Variants in GLIPR1L2 observed in about 807,000 individuals in gnomAD.
The protein encoded by GLIPR1L2 is GLIPR1-like protein 2.
Under a neutral mutation model 28.4 loss-of-function variants are expected in GLIPR1L2, and 21 were observed. The observed-to-expected ratio is 0.74, with a 90% CI of 0.52 to 1.06. The LOEUF is 1.06. GLIPR1L2 is among the 50% of genes least tolerant of loss of function. The probability of loss-of-function intolerance (pLI) is 0.00; values close to 1 mark genes in which losing one functional copy is unlikely to be tolerated. For missense variants in GLIPR1L2, 476 were observed against 416.9 expected, an observed-to-expected ratio of 1.14 and a Z score of -1.23; for synonymous variants, 145 against 139.3, an observed-to-expected ratio of 1.04 and a Z score of -0.29.
chr12:75,399,601 CT>C (rs1433063577), intron 1 of GLIPR1L2, among the ~76,000 whole-genome samples: 3 of 151,906 alleles, frequency 2.0e-5, no homozygotes, highest in African/African-American at 4.8e-5. Context: ...GTTTTTTTGC[CT>C]TTTTTTCTCC....
At chr12:75,416,113 C>T (rs150736588) in intron 3 of GLIPR1L2, among the ~76,000 whole-genome samples, 40 of 152,108 alleles carry the variant, frequency 2.6e-4, no homozygotes, top group African/African-American at 7.5e-4. Flanking sequence ...TAATACAAGC[C>T]GATTGGCTTG....
intron 3 of GLIPR1L2, among the ~76,000 whole-genome samples, chr12:75,415,111 G>A (rs948706579): frequency 3.9e-5 from 6 of 152,056 alleles, no homozygotes; most frequent in African/African-American, 1.4e-4. Flanking sequence ...AGATTGGAAT[G>A]AGTTTAACAT....
At chr12:75,403,552 C>T (rs1789621430) in intron 1 of GLIPR1L2, among the ~76,000 whole-genome samples, 1 of 152,114 alleles carries the variant, frequency 6.6e-6, no homozygotes, top group African/African-American at 2.4e-5. Flanking sequence ...ATGTCGGCTT[C>T]CTTTTTTGTT....
Position 75,429,938 on chromosome 12 carries a change from C to CTTTTCTTT in GLIPR1L2, c.671-773_671-772insCTTTTTTT, listed in dbSNP as rs2046074415. 3.7e-4 allele frequency among the ~76,000 whole-genome samples: 48 copies of CTTTTCTTT among 128,642 alleles called. No homozygotes were observed. In the East Asian group the frequency reaches 4.0e-3, roughly 11 times the overall value. 84.4% of individuals were successfully genotyped at this position (128,642 alleles called of 152,430 possible). ...CCTTTTCTTTTCTTTTCTTTTCTTT[C>CTTTTCTTT]TTTTTTTTTTTTTTTTGAGACAGAG... On this transcript the variant is annotated intron_variant, in intron 4 of 5. Transcript: ENST00000550916.
chr12:75,407,093 A>G (rs1208438665), intron 1 of GLIPR1L2, among the ~76,000 whole-genome samples: 1 of 152,034 alleles, frequency 6.6e-6, no homozygotes. Flanking sequence ...TGTTAGATCA[A>G]TGTAGCAAGA....
intron 1 of GLIPR1L2, chr12:75,403,234 ACT>A (rs2045761975): frequency 2.4e-6 from 1 of 414,306 alleles, no homozygotes; most frequent in South Asian, 1.8e-5. Flanking sequence ...GCTTCTGTAA[ACT>A]CTCTGAAGCT....
intron 1 of GLIPR1L2, among the ~76,000 whole-genome samples, chr12:75,401,414 T>C (rs1182558114): frequency 1.3e-5 from 2 of 151,416 alleles, no homozygotes; most frequent in African/African-American, 4.8e-5. Context: ...GAAGATAAAA[T>C]AAAGGCCTTC....
intron 3 of GLIPR1L2, among the ~76,000 whole-genome samples, chr12:75,414,718 C>G (rs1417585476): frequency 2.6e-5 from 4 of 151,956 alleles, no homozygotes; most frequent in Non-Finnish European, 5.9e-5. Flanking sequence ...AAAATTACTA[C>G]TGATTGGTCT....
intron 1 of GLIPR1L2, among the ~76,000 whole-genome samples, chr12:75,409,930 A>G (rs2045848206): frequency 1.3e-5 from 2 of 149,804 alleles, no homozygotes; most frequent in South Asian, 4.2e-4. Flanking sequence ...TATATATAAG[A>G]TGTATATCTA....
intron 1 of GLIPR1L2, among the ~76,000 whole-genome samples, chr12:75,399,843 G>A (rs1262172716): frequency 2.0e-5 from 3 of 152,176 alleles, no homozygotes; most frequent in Non-Finnish European, 4.4e-5. Context: ...TATAGTCCTT[G>A]TAGAGAAGAA....
chr12:75,398,640 A>G (rs570730035), intron 1 of GLIPR1L2, among the ~76,000 whole-genome samples: 1 of 152,320 alleles, frequency 6.6e-6, no homozygotes, highest in South Asian at 2.1e-4. Flanking sequence ...CTCAAGACTT[A>G]GACTCCTCTC....
intron 4 of GLIPR1L2, among the ~76,000 whole-genome samples, chr12:75,427,466 G>C (rs570354561): frequency 1.3e-5 from 2 of 152,156 alleles, no homozygotes; most frequent in Non-Finnish European, 2.9e-5. Context: ...CCAAAGGAAG[G>C]TCAGTTCATC....
chr12:75,395,730 G>T (rs537263638), intron 1 of GLIPR1L2, among the ~76,000 whole-genome samples: 1 of 151,800 alleles, frequency 6.6e-6, no homozygotes, highest in East Asian at 1.9e-4. Context: ...TTGGTAGGTT[G>T]TATGTTCCCA....
intron 1 of GLIPR1L2, among the ~76,000 whole-genome samples, chr12:75,404,039 T>C (rs2045770977): frequency 6.6e-6 from 1 of 152,144 alleles, no homozygotes; most frequent in African/African-American, 2.4e-5. Context: ...TAAATAATGG[T>C]AAAAAGCATT....
intron 1 of GLIPR1L2, among the ~76,000 whole-genome samples, chr12:75,397,927 C>T (rs1253999498): frequency 6.6e-6 from 1 of 151,994 alleles, no homozygotes; most frequent in Non-Finnish European, 1.5e-5. Flanking sequence ...ATTTCCTCTC[C>T]TCCGATTAGG....
intron 1 of GLIPR1L2, 198 bp downstream of exon 1, chr12:75,391,548 T>C (rs1439855848): frequency 1.4e-5 from 22 of 1,520,888 alleles, no homozygotes; most frequent in African/African-American, 8.2e-5. Flanking sequence ...TACCATGATA[T>C]TACACAGGGC....
chr12:75,397,273 G>T (rs1218493226), intron 1 of GLIPR1L2, among the ~76,000 whole-genome samples: 6 of 150,600 alleles, frequency 4.0e-5, no homozygotes, highest in Admixed American at 6.6e-5. Flanking sequence ...TTTTTAATTT[G>T]CTCATATTCC....
At chr12:75,396,727 T>A (rs2139918002) in intron 1 of GLIPR1L2, among the ~76,000 whole-genome samples, 1 of 152,282 alleles carries the variant, frequency 6.6e-6, no homozygotes, top group Non-Finnish European at 1.5e-5. Flanking sequence ...ATCCCAGACT[T>A]ACTGAATCAG....
In GLIPR1L2 at chr12:75,431,096, A is replaced by G; in HGVS notation, c.970A>G (p.Lys324Glu). The G allele has an allele frequency of 8.3e-7, 1 of 1,203,116 alleles. No homozygotes were observed. Among genetic ancestry groups the G allele is most frequent in the Non-Finnish European group, 1.2e-6 (1 of 844,030 alleles). 74.5% of individuals were successfully genotyped at this position (1,203,116 alleles called of 1,614,324 possible). Residue 324 changes from lysine to glutamate, a missense_variant, in exon 6 of 6, where the codon AAA becomes GAA. Transcript: ENST00000550916. The part of the protein sequence containing the change: ...EMEIMEMEEE[K>E]EEREEEEEET... ...GGAAATAATGGAAATGGAGGAGGAAAAAGAAGAGAGAGAGGAGGAGGAGGA... is the reference window on the plus strand; with the variant it reads ...GGAAATAATGGAAATGGAGGAGGAAGAAGAAGAGAGAGAGGAGGAGGAGGA...
Sources: allele counts gnomAD v4.1 joint callset (sites outside exome capture counted in the v4.1 genomes callset), GRCh38; gene constraint gnomAD v4.1.1; transcripts MANE v1.5; gene names NCBI Gene and HGNC (gene_info 2026-07-23, HGNC 2026-07-21).